Variants in TMEM63B observed in about 807,000 individuals in gnomAD.
The protein encoded by TMEM63B is transmembrane protein 63B, also known as mechanosensitive cation channel TMEM63B.
Under a neutral mutation model 102.6 loss-of-function variants are expected in TMEM63B, and 23 were observed. The observed-to-expected ratio is 0.22, with a 90% CI of 0.16 to 0.32. The LOEUF is 0.32. TMEM63B is among the 10% of genes least tolerant of loss of function. The pLI, the probability that TMEM63B is intolerant of heterozygous loss-of-function variation, is 1.00. For missense variants in TMEM63B, 628 were observed against 1,095.9 expected, an observed-to-expected ratio of 0.57 and a Z score of 6.03; for synonymous variants, 444 against 437.0, an observed-to-expected ratio of 1.02 and a Z score of -0.20.
chr6:44,143,741 T>A (rs980558288), intron 10 of TMEM63B, among the ~76,000 whole-genome samples: 6 of 151,820 alleles, frequency 4.0e-5, no homozygotes, highest in Admixed American at 2.0e-4. Flanking sequence ...TAATAGAGAC[T>A]GTGTCAAGAA....
intron 9 of TMEM63B, chr6:44,140,641 A>T (rs1422244672): frequency 1.7e-6 from 1 of 584,408 alleles, no homozygotes; most frequent in Non-Finnish European, 3.1e-6. Flanking sequence ...TGATCCTAGG[A>T]TAGTAATATT....
intron 10 of TMEM63B, among the ~76,000 whole-genome samples, chr6:44,141,913 G>A (rs1437058837): frequency 1.3e-5 from 2 of 151,518 alleles, no homozygotes; most frequent in African/African-American, 4.9e-5. Flanking sequence ...CTTGAGCCCA[G>A]GAGTTGAAGA....
At position 44,155,459 on chromosome 6, in the gene TMEM63B, T is replaced by TTGG. The variant is rs57526494; in HGVS notation, c.*577_*578insGGT. ...AAATGGGTTTTTGCACTGTTTTTTT[T>TTGG]TTGGTTTTTTTGTTCTTTTTTGTTT... On this transcript the variant is annotated 3_prime_UTR_variant, in exon 24 of 24. Transcript: ENST00000323267. The TTGG allele has an allele frequency of 0.32, 48,587 of 149,584 alleles. 8,505 individuals are homozygous for TTGG. Among genetic ancestry groups the TTGG allele is most frequent in the East Asian group, 0.55 (2,760 of 5,062 alleles). The allele number at this position is 149,584 out of a possible 1,614,324, so 9.3% of individuals were successfully genotyped here. A position where few individuals can be genotyped will look rare whatever the true frequency, so the allele number is the denominator to read the frequency against.
chr6:44,154,067 C>T lies in TMEM63B; in HGVS notation c.2111-6C>T. The T allele has an allele frequency of 6.2e-7, 1 of 1,613,668 alleles. No homozygotes were observed. The highest frequency in any genetic ancestry group is 8.5e-7 in the Non-Finnish European group (1 of 1,179,550). The stretch of plus-strand genomic sequence containing the variant: ...AGCAACCCCATTCTTTGCCCCCCAA[C>T]ACCAGGGTTCCTAGCTCCCACGTCT... On this transcript the variant is annotated splice_region_variant and splice_polypyrimidine_tract_variant and intron_variant, in intron 21 of 23. Transcript: ENST00000323267.
rs986391978 is a variant in TMEM63B, at chr6:44,150,853, A to G, written c.1673+224A>G. Among the ~76,000 whole-genome samples, 5 of 152,152 alleles carry G rather than the reference A, an allele frequency of 3.3e-5. No individual in the cohort carries two copies. The highest frequency in any genetic ancestry group is 7.4e-5 in the Non-Finnish European group (5 of 68,026). Reference sequence around the variant, plus strand: ...CTGTGTTGGTGTTCACTCTCTGGTAACCTGTTTGGATGCTAAGATCATCCT... The same window carrying G: ...CTGTGTTGGTGTTCACTCTCTGGTAGCCTGTTTGGATGCTAAGATCATCCT... On this transcript the variant is annotated intron_variant, in intron 18 of 23. Coordinates refer to ENST00000323267, the MANE Select transcript of TMEM63B (RefSeq NM_018426.3). The surrounding 1 kb of genome is among the most constrained non-coding windows in gnomAD (Gnocchi z 4.7).
chr6:44,143,744 G>A (rs1391627948), intron 10 of TMEM63B, among the ~76,000 whole-genome samples: 1 of 152,080 alleles, frequency 6.6e-6, no homozygotes, highest in African/African-American at 2.4e-5. Flanking sequence ...TAGAGACTGT[G>A]TCAAGAAGAG....
At chr6:44,151,087 G>A (rs1766501328) in intron 18 of TMEM63B, among the ~76,000 whole-genome samples, 1 of 152,038 alleles carries the variant, frequency 6.6e-6, no homozygotes, top group Admixed American at 6.6e-5. Context: ...CATATTTTTG[G>A]GTATGTGTAG....
chr6:44,138,397 T>C lies in TMEM63B; in HGVS notation c.370-83T>C. The C allele has an allele frequency of 1.9e-6, 3 of 1,567,140 alleles. No individual in the cohort carries two copies. The South Asian group carries it at 3.3e-5, about 17-fold the overall frequency. ...TGGAAGCTATGCCTGGAGGTAATTA[T>C]GAGAATGGGTGGGACTTGAGGGAGG... On this transcript the variant is annotated intron_variant, in intron 5 of 23. Coordinates refer to ENST00000323267, the MANE Select transcript of TMEM63B (RefSeq NM_018426.3).
chr6:44,133,782 G>A lies in TMEM63B; in HGVS notation c.-24-779G>A, dbSNP rs555475693. ...TCCTTTGCCAGTGGAAAAGCTTGCCGTAGGGCATAGCTTTCCCAGCCTTCC... is the reference window on the plus strand; with the variant it reads ...TCCTTTGCCAGTGGAAAAGCTTGCCATAGGGCATAGCTTTCCCAGCCTTCC... On this transcript the variant is annotated intron_variant, in intron 1 of 23. Transcript: ENST00000323267. Among the ~76,000 whole-genome samples, 10 of 152,374 alleles carry A rather than the reference G, an allele frequency of 6.6e-5. No individual in the cohort carries two copies. In the East Asian group the frequency reaches 1.5e-3, roughly 24 times the overall value.
Position 44,152,511 on chromosome 6 carries a change from C to A in TMEM63B, c.1837-82C>A. ...TCTTTTCCGGCCCCAGAGGTCCTGG[C>A]TCCCTTCCCCCTCCCTCCTTCCCTG... On this transcript the variant is annotated intron_variant, in intron 19 of 23. Coordinates refer to ENST00000323267, the MANE Select transcript of TMEM63B (RefSeq NM_018426.3). The surrounding 1 kb of genome is among the most constrained non-coding windows in gnomAD (Gnocchi z 6.4). 9.9e-7 allele frequency: 1 copy of A among 1,009,338 alleles called. No homozygotes were observed. The highest frequency in any genetic ancestry group is 1.5e-6 in the Non-Finnish European group (1 of 650,338). The allele number at this position is 1,009,338 out of a possible 1,614,324, so 62.5% of individuals were successfully genotyped here.
At position 44,152,568 on chromosome 6, in the gene TMEM63B, A is replaced by G. The variant is rs1561824577; in HGVS notation, c.1837-25A>G. The G allele has an allele frequency of 5.8e-6, 9 of 1,564,300 alleles. No homozygotes were observed. The highest frequency in any genetic ancestry group is 1.4e-5 in the African/African-American group (1 of 70,656). Reference sequence around the variant, plus strand: ...TGGTCAGTCCCTGCCTCCCTGAGCCATCCTCCTGCCCGTCTCCCCCCCAGC... The same window carrying G: ...TGGTCAGTCCCTGCCTCCCTGAGCCGTCCTCCTGCCCGTCTCCCCCCCAGC... On this transcript the variant is annotated intron_variant, in intron 19 of 23. Transcript: ENST00000323267. The surrounding 1 kb of genome is among the most constrained non-coding windows in gnomAD (Gnocchi z 6.4).
Position 44,134,527 on chromosome 6 carries a change from G to A in TMEM63B, c.-24-34G>A, listed in dbSNP as rs926044978. On this transcript the variant is annotated intron_variant, in intron 1 of 23. Coordinates refer to ENST00000323267, the MANE Select transcript of TMEM63B (RefSeq NM_018426.3). ...CTACTGGGCCATGAAGGGGATGGGG[G>A]CAAGCCCAGCTGACTGCTCCACCCT... The A allele has an allele frequency of 5.7e-6, 9 of 1,589,134 alleles. No individual in the cohort carries two copies. The African/African-American group carries it at 8.0e-5, about 14-fold the overall frequency.
In TMEM63B at chr6:44,149,841, C is replaced by A. The variant is rs1398328304; in HGVS notation, c.1414-18C>A. On this transcript the variant is annotated intron_variant, in intron 15 of 23. Transcript: ENST00000323267. ...CCCTAGACTGCCCTGCCTGACGCCC[C>A]CCTGTGCCCTGCTGCAGAACCCCAT... is the stretch of plus-strand genomic sequence containing the variant. 18 of 1,598,108 alleles carry A rather than the reference C, an allele frequency of 1.1e-5. No individual in the cohort carries two copies.
chr6:44,139,886 A>G (rs2128237184), intron 8 of TMEM63B, 127 bp downstream of exon 8: 1 of 1,203,638 alleles, frequency 8.3e-7, no homozygotes, highest in African/African-American at 1.5e-5. Flanking sequence ...TGGGTCCCTG[A>G]GGGCTTGGGT....
upstream of TMEM63B, chr6:44,126,938 A>T (rs1457223849): frequency 6.6e-6 from 1 of 152,220 alleles, no homozygotes; most frequent in Non-Finnish European, 1.5e-5. Context: ...TGGCTAACTC[A>T]TCTCCAGACC....
chr6:44,151,735 A>G (rs1023099694), intron 18 of TMEM63B, 111 bp from the exon 19 acceptor site: 1 of 1,316,624 alleles, frequency 7.6e-7, no homozygotes, highest in East Asian at 2.4e-5. Context: ...GGGTGTCCAC[A>G]TGGAAGAAGC....
chr6:44,131,717 C>CA lies in TMEM63B; in HGVS notation c.-24-2837dup, dbSNP rs1404241552. On this transcript the variant is annotated intron_variant, in intron 1 of 23. Transcript: ENST00000323267. ...CTGGTGACAGAGCGAGACTCCGTCT[C>CA]AAAAAAATACACAACAACCCCCCCA... Among the ~76,000 whole-genome samples, 3 of 141,020 alleles carry CA rather than the reference C, an allele frequency of 2.1e-5. No individual in the cohort carries two copies. The East Asian group carries it at 6.6e-4, about 31-fold the overall frequency. 92.5% of individuals were successfully genotyped at this position (141,020 alleles called of 152,430 possible).
In TMEM63B at chr6:44,148,159, C is replaced by A; in HGVS notation, c.988-93C>A. 2 of 1,550,464 alleles carry A rather than the reference C, an allele frequency of 1.3e-6. No individual in the cohort carries two copies. The highest frequency in any genetic ancestry group is 1.2e-5 in the South Asian group (1 of 82,228). ...AAATGCTTAGAGGAGCAGTGCCTGG[C>A]TTGTAGGAAGCCCCAAGTCAGCGTG... On this transcript the variant is annotated intron_variant, in intron 12 of 23. Coordinates refer to ENST00000323267, the MANE Select transcript of TMEM63B (RefSeq NM_018426.3). This position sits in a 1 kb window ranked among gnomAD's most constrained non-coding sequence, Gnocchi z 5.1.
At chr6:44,144,882 G>A (rs1349792388) in intron 10 of TMEM63B, among the ~76,000 whole-genome samples, 1 of 152,052 alleles carries the variant, frequency 6.6e-6, no homozygotes, top group Admixed American at 6.6e-5. Flanking sequence ...ACAGGCATGA[G>A]CCACTGTGTT....
Sources: allele counts gnomAD v4.1 joint callset (sites outside exome capture counted in the v4.1 genomes callset), GRCh38; gene constraint gnomAD v4.1.1; non-coding constraint Gnocchi (gnomAD v3.1); transcripts MANE v1.5; gene names NCBI Gene and HGNC (gene_info 2026-07-23, HGNC 2026-07-21).